PADI2: variants seen among roughly 807,000 people sequenced by gnomAD.
PADI2 encodes the protein peptidyl arginine deiminase 2.
PADI2 carries 70 observed loss-of-function variants against 81.1 expected under a neutral mutation model. That is an observed-to-expected ratio of 0.86 (90% CI 0.71 to 1.05). The LOEUF (loss-of-function observed/expected upper bound fraction) is 1.05. Ranked by LOEUF, PADI2 falls within the 50% of genes least tolerant of loss-of-function variation. The pLI is 0.00. For synonymous variants in PADI2, 338 were observed against 358.0 expected (o/e 0.94, Z 0.63); for missense variants, 853 against 889.9 (o/e 0.96, Z 0.53).
chr1:17,112,225 TCAAA>T (rs1201045398), intron 1 of PADI2, among the ~76,000 whole-genome samples: 3 of 152,092 alleles, frequency 2.0e-5, no homozygotes, highest in East Asian at 1.9e-4. Context: ...TAGGTTGGTG[TCAAA>T]CAAACGACAC....
At chr1:17,102,645 A>G (rs558707823) in intron 3 of PADI2, among the ~76,000 whole-genome samples, 1 of 151,926 alleles carries the variant, frequency 6.6e-6, no homozygotes, top group Non-Finnish European at 1.5e-5. Flanking sequence ...TCCCCTCACC[A>G]TGAGAGGGAC....
rs2078264226 is a variant in PADI2, at chr1:17,071,450, T to A, written c.1591A>T (p.Ile531Phe). The part of the protein sequence containing the change: ...MSSKRITINK[I>F]LSNESLVQEN... The stretch of plus-strand genomic sequence containing the variant: ...TGCACAAGGCTCTCGTTGGACAGAA[T>A]CTTGTTGATGGTGATTCGCTTGCTG... The change falls in exon 14 of 16, where the codon ATT (isoleucine) becomes TTT (phenylalanine). Residue 531 changes from isoleucine to phenylalanine, a missense_variant. By Grantham distance (21) the Ile-to-Phe change is conservative (BLOSUM62 0). Transcript: ENST00000375486. 1.2e-6 allele frequency: 2 copies of A among 1,613,972 alleles called. No homozygotes were observed. The highest frequency in any genetic ancestry group is 1.3e-5 in the African/African-American group (1 of 74,934).
intron 15 of PADI2, among the ~76,000 whole-genome samples, chr1:17,069,493 A>C (rs1027375409): frequency 6.6e-6 from 1 of 152,254 alleles, no homozygotes; most frequent in Admixed American, 6.5e-5. Flanking sequence ...AAAAGCATTC[A>C]CATATGTCTG....
At chr1:17,070,502 C>T (rs967264891) in intron 14 of PADI2, among the ~76,000 whole-genome samples, 3 of 152,194 alleles carry the variant, frequency 2.0e-5, no homozygotes, top group African/African-American at 7.2e-5. Context: ...CCACACAGCA[C>T]CTCAGTGACC....
At chr1:17,108,473 G>T (rs998759417) in intron 1 of PADI2, among the ~76,000 whole-genome samples, 1 of 151,996 alleles carries the variant, frequency 6.6e-6, no homozygotes, top group Non-Finnish European at 1.5e-5. Context: ...TTGCTGAGTG[G>T]TGTTGCCACG....
At position 17,119,265 on chromosome 1, in the gene PADI2, G is replaced by T; in HGVS notation, c.92+15C>A. ...CTCGAGATCTCGGCCCGGGCATCACGGTGGGCCGGCTCACCTGTAGACATC... is the reference window on the plus strand; with the variant it reads ...CTCGAGATCTCGGCCCGGGCATCACTGTGGGCCGGCTCACCTGTAGACATC... On this transcript the variant is annotated intron_variant, in intron 1 of 15. Transcript: ENST00000375486. The surrounding 1 kb of genome is among the most constrained non-coding windows in gnomAD (Gnocchi z 4.8). 1.3e-6 allele frequency: 2 copies of T among 1,505,422 alleles called. No homozygotes were observed. Among genetic ancestry groups the T allele is most frequent in the Non-Finnish European group, 1.8e-6 (2 of 1,120,764 alleles). 93.3% of individuals were successfully genotyped at this position (1,505,422 alleles called of 1,614,324 possible).
intron 11 of PADI2, among the ~76,000 whole-genome samples, chr1:17,076,120 C>T (rs949364416): frequency 6.6e-6 from 1 of 152,204 alleles, no homozygotes; most frequent in African/African-American, 2.4e-5. Flanking sequence ...GCGGGAGTCC[C>T]ACCTGGCCTG....
intron 14 of PADI2, among the ~76,000 whole-genome samples, 159 bp downstream of exon 14, chr1:17,071,247 T>C (rs1277307603): frequency 1.3e-5 from 2 of 152,224 alleles, no homozygotes; most frequent in African/African-American, 4.8e-5. Flanking sequence ...GCAAGGAGGC[T>C]GGCTGGATGC....
In PADI2 at chr1:17,075,763, C is replaced by T; in HGVS notation, c.1371G>A (p.Gln457=). The change falls in exon 12 of 16, where the codon CAG becomes CAA. Residue 457 remains glutamine (Q), a synonymous_variant. Coordinates refer to ENST00000375486, the MANE Select transcript of PADI2 (RefSeq NM_007365.3). ...AGTCTGAGTAGAGCTCCACGGGCGC[C>T]TGCACCTGCTGGGCCTTCAGGAAGT... ...VRDFLKAQQV[Q]APVELYSDWL... 1.2e-6 allele frequency: 2 copies of T among 1,613,980 alleles called. No homozygotes were observed. Among genetic ancestry groups the T allele is most frequent in the Non-Finnish European group, 1.7e-6 (2 of 1,179,860 alleles).
chr1:17,073,766 A>G (rs1039597037), intron 13 of PADI2, among the ~76,000 whole-genome samples: 1 of 152,168 alleles, frequency 6.6e-6, no homozygotes, highest in Non-Finnish European at 1.5e-5. Flanking sequence ...TAGAAGTTGA[A>G]AAAGAAAAAA....
intron 3 of PADI2, among the ~76,000 whole-genome samples, chr1:17,100,081 T>A (rs1352292042): frequency 6.6e-6 from 1 of 151,062 alleles, no homozygotes; most frequent in Non-Finnish European, 1.5e-5. Context: ...TGCCCCTGAG[T>A]GATTGATTAC....
chr1:17,075,427 T>G, intron 12 of PADI2: 2 of 440,748 alleles, frequency 4.5e-6, no homozygotes, highest in Admixed American at 4.3e-5. Flanking sequence ...TTTTGAAGAT[T>G]TAGTATGAGA....
At position 17,116,108 on chromosome 1, in the gene PADI2, T is replaced by G. The variant is rs774448663; in HGVS notation, c.92+3172A>C. On this transcript the variant is annotated intron_variant, in intron 1 of 15. Coordinates refer to ENST00000375486, the MANE Select transcript of PADI2 (RefSeq NM_007365.3). ...ATACAAGATCCTTCCTCCTGTTCTC[T>G]GATCGACCCCCATTTGGGTCAGTGG... Among the ~76,000 whole-genome samples the G allele has an allele frequency of 4.6e-4, 70 of 152,352 alleles. 1 individual carries two copies. In the Middle Eastern group the frequency reaches 0.01, roughly 22 times the overall value.
At chr1:17,070,669 AT>A (rs1199530858) in intron 14 of PADI2, among the ~76,000 whole-genome samples, 10 of 150,320 alleles carry the variant, frequency 6.7e-5, no homozygotes, top group East Asian at 1.9e-4. Flanking sequence ...TTCCCTTTTA[AT>A]TTTTTTTTTA....
intron 11 of PADI2, among the ~76,000 whole-genome samples, chr1:17,076,888 A>C (rs1176216783): frequency 6.6e-6 from 1 of 151,950 alleles, no homozygotes; most frequent in Non-Finnish European, 1.5e-5. Context: ...GCCCTTCCTC[A>C]TTTCTAGACC....
chr1:17,109,426 A>G (rs1399678929), intron 1 of PADI2, among the ~76,000 whole-genome samples: 2 of 142,420 alleles, frequency 1.4e-5, no homozygotes, highest in Admixed American at 7.2e-5. Flanking sequence ...AGCTTGGGAT[A>G]TCTCCACTGG....
At chr1:17,073,677 C>T (rs920141408) in intron 13 of PADI2, among the ~76,000 whole-genome samples, 8 of 151,910 alleles carry the variant, frequency 5.3e-5, no homozygotes, top group Admixed American at 3.3e-4. Flanking sequence ...TCAGTACCTG[C>T]GTGATGGGAT....
At chr1:17,079,199 C>T (rs1217584967) in intron 11 of PADI2, 65 bp downstream of exon 11, 1 of 1,497,960 alleles carries the variant, frequency 6.7e-7, no homozygotes, top group Non-Finnish European at 9.1e-7. Flanking sequence ...ACCCAGGCCA[C>T]CCCAAAAGAG....
intron 10 of PADI2, 136 bp downstream of exon 10, chr1:17,082,409 C>T (rs970650880): frequency 9.2e-6 from 6 of 653,936 alleles, no homozygotes; most frequent in East Asian, 5.6e-5. Flanking sequence ...CCCAAGTGGA[C>T]TCATTTTGCA....
Sources: gnomAD v4.1 joint callset for allele counts (sites outside exome capture counted in the v4.1 genomes callset) on GRCh38, gnomAD v4.1.1 for gene constraint, Gnocchi (gnomAD v3.1) non-coding constraint, MANE v1.5 for transcripts, NCBI Gene and HGNC (gene_info 2026-07-23, HGNC 2026-07-21) for gene names.